Variants in CT47B1 observed in about 807,000 individuals in gnomAD.
The protein encoded by CT47B1 is cancer/testis antigen family 47 member B1.
A neutral mutation model predicts 12.8 loss-of-function variants in CT47B1; 24 were observed. The ratio of observed to expected loss-of-function variants is 1.87; its 90% CI spans 1.36 to 2.63. The LOEUF is 2.63. Among genes scored for constraint, CT47B1 ranks in the 30% most tolerant of loss-of-function variants. The probability of loss-of-function intolerance (pLI) is 0.00; values close to 1 mark genes in which losing one functional copy is unlikely to be tolerated. For synonymous variants in CT47B1, 228 were observed against 133.3 expected (o/e 1.71, Z -4.89); for missense variants, 523 against 271.3 (o/e 1.93, Z -6.52).
In CT47B1 at chrX:120,875,720, G is replaced by A; in HGVS notation, c.-50C>T. The A allele has an allele frequency of 1.8e-6, 1 of 544,962 alleles. No homozygotes were observed. Among genetic ancestry groups the A allele is most frequent in the Non-Finnish European group, 2.7e-6 (1 of 367,644 alleles). 44.9% of individuals were successfully genotyped at this position (544,962 alleles called of 1,213,427 possible). A position where few individuals can be genotyped will look rare whatever the true frequency, so the allele number is the denominator to read the frequency against. On this transcript the variant is annotated 5_prime_UTR_variant, in exon 1 of 3. Transcript: ENST00000371311. ...GTGGCGAGCGGGCTGAGGCGACCAC[G>A]GTGAAGACGGTGACCACTGAGGTGG...
In CT47B1 at chrX:120,875,523, C is replaced by T. The variant is rs1443128447; in HGVS notation, c.148G>A (p.Glu50Lys). ...ACGGGCCCTGCGACTCCGACCACCT[C>T]GGCCGCAGGCACCATGTCGCTGCTG... ...PDSSDMVPAA[E>K]VVGVAGPVEG... is the part of the protein sequence containing the mutation. The change falls in exon 1 of 3, where the codon GAG (glutamate) becomes AAG (lysine). Residue 50 changes from glutamate to lysine, a missense_variant. Glu to Lys is a moderately conservative substitution (Grantham distance 56). Coordinates refer to ENST00000371311, the MANE Select transcript of CT47B1 (RefSeq NM_001145718.3). 1 of 1,197,518 alleles carries T rather than the reference C, an allele frequency of 8.4e-7. No homozygotes were observed. The highest frequency in any genetic ancestry group is 1.8e-5 in the South Asian group (1 of 56,752).
Position 120,875,257 on chromosome X carries a change from G to C in CT47B1, c.414C>G (p.Asn138Lys). The part of the protein sequence containing the change: ...VHSLLRRLYH[N>K]DHIQIANRHL... Reference sequence around the variant, plus strand: ...GACGGTTCGCTATCTGGATGTGGTCGTTGTGATAGAGGCGGCGGAGAAGGG... The same window carrying C: ...GACGGTTCGCTATCTGGATGTGGTCCTTGTGATAGAGGCGGCGGAGAAGGG... Residue 138 changes from asparagine to lysine, a missense_variant, in exon 1 of 3, where the codon AAC (asparagine) becomes AAG (lysine). Transcript: ENST00000371311. 1.7e-6 allele frequency: 2 copies of C among 1,211,520 alleles called. No individual in the cohort carries two copies. The highest frequency in any genetic ancestry group is 2.2e-6 in the Non-Finnish European group (2 of 894,920).
Position 120,875,119 on chromosome X carries a change from G to C in CT47B1, c.552C>G (p.Gly184=). The stretch of plus-strand genomic sequence containing the variant: ...CCTCCTGGATCAGGCCGAGGCCCTC[G>C]CCTTCTGGGGCTGCAGCCCCTGCAC... ...RLGAGAAAPE[G]EGLGLIQEAA... is the part of the protein sequence containing the mutation. The change falls in exon 1 of 3, where the codon GGC becomes GGG. Residue 184 remains glycine (G), a synonymous_variant. Coordinates refer to ENST00000371311, the MANE Select transcript of CT47B1 (RefSeq NM_001145718.3). 1.7e-6 allele frequency: 2 copies of C among 1,210,062 alleles called. No individual in the cohort carries two copies. The highest frequency in any genetic ancestry group is 2.2e-6 in the Non-Finnish European group (2 of 894,673).
chrX:120,874,283 C>T (rs1212463543), intron 1 of CT47B1, among the ~76,000 whole-genome samples: 1 of 107,526 alleles, frequency 9.3e-6, no homozygotes, highest in Admixed American at 1.0e-4. Flanking sequence ...CTGATTATTT[C>T]TAGTTCTTTG....
chrX:120,875,634 C>T lies in CT47B1; in HGVS notation c.37G>A (p.Asp13Asn). ...ATGDRHPTQG[D>N]QEAPVSQEGA... ...TCCTGGCTTACCGGGGCCTCCTGGT[C>T]CCCTTGGGTCGGGTGTCGGTCCCCT... Residue 13 changes from aspartate (D) to asparagine (N), a missense_variant, in exon 1 of 3, where the codon GAC becomes AAC. Transcript: ENST00000371311. The T allele has an allele frequency of 6.0e-6, 6 of 1,007,478 alleles. No homozygotes were observed. Among genetic ancestry groups the T allele is most frequent in the Non-Finnish European group, 6.5e-6 (5 of 766,564 alleles). The allele number at this position is 1,007,478 out of a possible 1,213,427, so 83.0% of individuals were successfully genotyped here.
chrX:120,874,260 C>A lies in CT47B1; in HGVS notation c.776-240G>T, dbSNP rs1173976093. Among the ~76,000 whole-genome samples, 3 of 104,378 alleles carry A rather than the reference C, an allele frequency of 2.9e-5. No homozygotes were observed. In the East Asian group the frequency reaches 9.1e-4, roughly 32 times the overall value. The allele number at this position is 104,378 out of a possible 115,157, so 90.6% of individuals were successfully genotyped here. A position where few individuals can be genotyped will look rare whatever the true frequency, so the allele number is the denominator to read the frequency against. Reference sequence around the variant, plus strand: ...ATTTCCCTTTTTTCCAGTAAATCTCCCACCCAAAGCGGCTGATTATTTCTA... The same window carrying A: ...ATTTCCCTTTTTTCCAGTAAATCTCACACCCAAAGCGGCTGATTATTTCTA... On this transcript the variant is annotated intron_variant, in intron 1 of 2. Transcript: ENST00000371311.
intron 1 of CT47B1, among the ~76,000 whole-genome samples, chrX:120,874,649 C>A (rs1431468856): frequency 2.7e-5 from 3 of 111,032 alleles, no homozygotes; most frequent in Non-Finnish European, 5.7e-5. Context: ...GATCTCCTAT[C>A]AAATATAGGT....
chrX:120,873,109 G>A (rs62613777), intron 2 of CT47B1, among the ~76,000 whole-genome samples: 1,493 of 99,223 alleles, frequency 0.015, 227 homozygotes, highest in Non-Finnish European at 0.025. Context: ...GCCTGTGCTG[G>A]TTCCACAAAT....
At chrX:120,874,613 G>A (rs1168981253) in intron 1 of CT47B1, among the ~76,000 whole-genome samples, 2 of 111,107 alleles carry the variant, frequency 1.8e-5, no homozygotes, top group African/African-American at 6.5e-5. Flanking sequence ...TCATCTGCAG[G>A]CTCGCAAATG....
At position 120,875,423 on chromosome X, in the gene CT47B1, T is replaced by A; in HGVS notation, c.248A>T (p.Glu83Val). Residue 83 changes from glutamate (E) to valine (V), a missense_variant, in exon 1 of 3, where the codon GAG becomes GTG. Glu to Val is a moderately radical substitution (Grantham distance 121). Coordinates refer to ENST00000371311, the MANE Select transcript of CT47B1 (RefSeq NM_001145718.3). ...AAVPQGGSAE[E>V]DSDIGPATEE... is the part of the protein sequence containing the mutation. Reference sequence around the variant, plus strand: ...CGTCGCGGGCCCGATATCTGAGTCCTCCTCGGCGCTCCCGCCCTGGGGGAC... The same window carrying A: ...CGTCGCGGGCCCGATATCTGAGTCCACCTCGGCGCTCCCGCCCTGGGGGAC... The A allele has an allele frequency of 8.3e-7, 1 of 1,207,865 alleles. No individual in the cohort carries two copies. Among genetic ancestry groups the A allele is most frequent in the Middle Eastern group, 3.0e-4 (1 of 3,332 alleles).
intron 2 of CT47B1, among the ~76,000 whole-genome samples, 181 bp from the exon 3 acceptor site, chrX:120,872,921 G>A (rs1204645587): frequency 9.9e-6 from 1 of 101,158 alleles, no homozygotes; most frequent in African/African-American, 3.3e-5. Context: ...AACAGGTAGA[G>A]AAGCCCATCT....
At position 120,875,299 on chromosome X, in the gene CT47B1, G is replaced by T; in HGVS notation, c.372C>A (p.Phe124Leu). 1 of 1,211,328 alleles carries T rather than the reference G, an allele frequency of 8.3e-7. No homozygotes were observed. The highest frequency in any genetic ancestry group is 3.0e-5 in the East Asian group (1 of 33,830). Residue 124 changes from phenylalanine to leucine, a missense_variant, in exon 1 of 3, where the codon TTC becomes TTA. By Grantham distance (22) the Phe-to-Leu change is conservative. Transcript: ENST00000371311. ...GGAGAAGGGAGTGGACCAGGTACAG[G>T]AACACGAAGCCAATGCCCGCCGCCG... ...RYPAAGIGFV[F>L]LYLVHSLLRR...
chrX:120,875,401 C>A lies in CT47B1; in HGVS notation c.270G>T (p.Ala90=). 8.3e-7 allele frequency: 1 copy of A among 1,208,274 alleles called. No individual in the cohort carries two copies. Among genetic ancestry groups the A allele is most frequent in the South Asian group, 1.8e-5 (1 of 56,703 alleles). ...SAEEDSDIGP[A]TEEEEEEEEG... ...CTTCCTCCTCCTCCTCTTCCTCCGTCGCGGGCCCGATATCTGAGTCCTCCT... is the reference window on the plus strand; with the variant it reads ...CTTCCTCCTCCTCCTCTTCCTCCGTAGCGGGCCCGATATCTGAGTCCTCCT... The change falls in exon 1 of 3, where the codon GCG becomes GCT. Residue 90 remains alanine (A), a synonymous_variant. Transcript: ENST00000371311.
In CT47B1 at chrX:120,872,770, G is replaced by C. The variant is rs997485828; in HGVS notation, c.*32-30C>G. 16 of 101,376 alleles carry C rather than the reference G, an allele frequency of 1.6e-4. 2 individuals carry two copies. Among genetic ancestry groups the C allele is most frequent in the African/African-American group, 5.3e-4 (16 of 30,095 alleles). The allele number at this position is 101,376 out of a possible 1,213,427, so 8.4% of individuals were successfully genotyped here. ...AAAAAAAATAAAACAATGAACAACA[G>C]AGTCTTCTTTTCCTCCCAACTGTGG... is the stretch of plus-strand genomic sequence containing the variant. On this transcript the variant is annotated intron_variant, in intron 2 of 2. Transcript: ENST00000371311.
chrX:120,874,139 T>G lies in CT47B1; in HGVS notation c.776-119A>C. On this transcript the variant is annotated intron_variant, in intron 1 of 2. Transcript: ENST00000371311. ...TCAGGAGAAGCAGGATAGAGTTAAGTAAGAAAGGAATAGCTGGGCACCTTC... is the reference window on the plus strand; with the variant it reads ...TCAGGAGAAGCAGGATAGAGTTAAGGAAGAAAGGAATAGCTGGGCACCTTC... 6 of 758,320 alleles carry G rather than the reference T, an allele frequency of 7.9e-6. 1 individual carries two copies. In the South Asian group the frequency reaches 1.9e-4, roughly 24 times the overall value. 62.5% of individuals were successfully genotyped at this position (758,320 alleles called of 1,213,427 possible).
At chrX:120,872,916 G>A in intron 2 of CT47B1, among the ~76,000 whole-genome samples, 176 bp from the exon 3 acceptor site, 1 of 101,238 alleles carries the variant, frequency 9.9e-6, no homozygotes, top group Non-Finnish European at 2.2e-5. Flanking sequence ...TCTTAAACAG[G>A]TAGAGAAGCC....
Position 120,875,383 on chromosome X carries a change from C to T in CT47B1, c.288G>A (p.Glu96=). 8.3e-7 allele frequency: 1 copy of T among 1,209,538 alleles called. No individual in the cohort carries two copies. The highest frequency in any genetic ancestry group is 1.1e-6 in the Non-Finnish European group (1 of 894,066). ...TGGCCGCCTCGTTCCCCTCTTCCTCCTCCTCCTCTTCCTCCGTCGCGGGCC... is the reference window on the plus strand; with the variant it reads ...TGGCCGCCTCGTTCCCCTCTTCCTCTTCCTCCTCTTCCTCCGTCGCGGGCC... The part of the protein sequence containing the change: ...DIGPATEEEE[E]EEEGNEAANF... Residue 96 remains glutamate, a synonymous_variant, in exon 1 of 3, where the codon GAG becomes GAA. Transcript: ENST00000371311.
Position 120,874,912 on chromosome X carries a change from CTCCTCTGAGGTCGGT to C in CT47B1, c.744_758del (p.Pro249_Glu253del), listed in dbSNP as rs1047712483. Reference sequence around the variant, plus strand: ...CCCCCTTACCCTCGGGGGCCACGGCCTCCTCTGAGGTCGGTTCCTCTGCGGCCGGTTCCTCTGTGG... The same window carrying C: ...CCCCCTTACCCTCGGGGGCCACGGCCTCCTCTGCGGCCGGTTCCTCTGTGG... On this transcript the variant is annotated inframe_deletion, in exon 1 of 3. Transcript: ENST00000371311. 3.3e-6 allele frequency: 4 copies of C among 1,209,825 alleles called. No individual in the cohort carries two copies. The highest frequency in any genetic ancestry group is 4.5e-6 in the Non-Finnish European group (4 of 894,722).
intron 2 of CT47B1, 134 bp from the exon 3 acceptor site, chrX:120,872,874 T>A (rs1923807450): frequency 9.9e-6 from 1 of 101,425 alleles, no homozygotes; most frequent in African/African-American, 3.3e-5. Context: ...AATGGCCAGC[T>A]CTGTGTATAT....
Sources: gnomAD v4.1 joint callset for allele counts (sites outside exome capture counted in the v4.1 genomes callset) on GRCh38, gnomAD v4.1.1 for gene constraint, MANE v1.5 for transcripts, NCBI Gene and HGNC (gene_info 2026-07-23, HGNC 2026-07-21) for gene names.